The following KRT79 variants were observed in gnomAD, a reference collection of about 807,000 sequenced individuals.
KRT79 encodes the protein keratin 79.
A neutral mutation model predicts 49.0 loss-of-function variants in KRT79; 51 were observed. The ratio of observed to expected loss-of-function variants is 1.04; its 90% confidence interval spans 0.83 to 1.31. The LOEUF (loss-of-function observed/expected upper bound fraction) is 1.31. Among genes scored for constraint, KRT79 ranks in the 40% most tolerant of loss-of-function variants. KRT79 has a pLI of 0.00. For synonymous variants in KRT79, 312 were observed against 286.6 expected (o/e 1.09, Z -0.90); for missense variants, 728 against 688.0 (o/e 1.06, Z -0.65).
Position 52,834,015 on chromosome 12 carries a change from C to T in KRT79, c.246G>A (p.Gly82=). The T allele has an allele frequency of 6.2e-7, 1 of 1,612,694 alleles. No homozygotes were observed. The highest frequency in any genetic ancestry group is 8.5e-7 in the Non-Finnish European group (1 of 1,179,296). ...CAAAGCCAAAGCCCCCCAGAGCCCG[C>T]CCCAACAAGGCCCCTCCGGCCACAC... ...SVSVAGGALL[G]RALGGFGFGS... The change falls in exon 1 of 9, where the codon GGG becomes GGA. Residue 82 remains glycine (G), a synonymous_variant. Transcript: ENST00000330553.
At chr12:52,822,782 G>A (rs1940112481) in intron 7 of KRT79, among the ~76,000 whole-genome samples, 1 of 152,176 alleles carries the variant, frequency 6.6e-6, no homozygotes, top group South Asian at 2.1e-4. Context: ...GCTGGTGGAA[G>A]AGGAAGTTCC....
In KRT79 at chr12:52,823,012, C is replaced by T. The variant is rs1156726300; in HGVS notation, c.1367+4G>A. On this transcript the variant is annotated splice_donor_region_variant and intron_variant, in intron 7 of 8. Coordinates refer to ENST00000330553, the MANE Select transcript of KRT79 (RefSeq NM_175834.3). The stretch of plus-strand genomic sequence containing the variant: ...TTTCTGGGTCGGGCAGGAGGGGCCA[C>T]CACCTGCTCTCCTCGCTCTCCAGAA... The T allele has an allele frequency of 2.5e-6, 4 of 1,613,602 alleles. No homozygotes were observed. Among genetic ancestry groups the T allele is most frequent in the East Asian group, 2.2e-5 (1 of 44,876 alleles).
chr12:52,823,263 G>A (rs147287040), intron 6 of KRT79, 27 bp from the exon 7 acceptor site: 21,180 of 1,594,812 alleles, frequency 0.013, 194 homozygotes, highest in Non-Finnish European at 0.015. Flanking sequence ...GGTGTTGGAA[G>A]CACCCTCCGG....
chr12:52,831,367 C>T lies in KRT79; in HGVS notation c.698+39G>A, dbSNP rs745793363. The T allele has an allele frequency of 2.5e-6, 4 of 1,591,952 alleles. No homozygotes were observed. The South Asian group carries it at 3.3e-5, about 13-fold the overall frequency. On this transcript the variant is annotated intron_variant, in intron 2 of 8. Coordinates refer to ENST00000330553, the MANE Select transcript of KRT79 (RefSeq NM_175834.3). ...CTTGGCAGGTTTCCCACTGCCCCTC[C>T]TCACTCCCACATGGCCCCGCCTGGC...
intron 7 of KRT79, 32 bp downstream of exon 7, chr12:52,822,984 A>G (rs780230410): frequency 1.0e-5 from 16 of 1,601,352 alleles, no homozygotes; most frequent in Non-Finnish European, 1.4e-5. Context: ...GGCCCGACCC[A>G]GCTTTCTGGG....
chr12:52,832,221 C>T (rs1940265743), intron 1 of KRT79, among the ~76,000 whole-genome samples: 1 of 152,078 alleles, frequency 6.6e-6, no homozygotes. Flanking sequence ...TGAGCTATGA[C>T]TGTACCACTG....
Position 52,833,810 on chromosome 12 carries a change from T to C in KRT79, c.451A>G (p.Asn151Asp), listed in dbSNP as rs1264106778. 1 of 1,613,934 alleles carries C rather than the reference T, an allele frequency of 6.2e-7. No individual in the cohort carries two copies. Among genetic ancestry groups the C allele is most frequent in the East Asian group, 2.2e-5 (1 of 44,840 alleles). The stretch of plus-strand genomic sequence containing the variant: ...TTGTCGATGAAGGAGGCGAACTTGT[T>C]GTTGAGGGTCTTGATCTGCTCCCGC... ...QEREQIKTLN[N>D]KFASFIDKVR... is the part of the protein sequence containing the mutation. Residue 151 changes from asparagine (N) to aspartate (D), a missense_variant, in exon 1 of 9, where the codon AAC becomes GAC. Physicochemically the swap from Asn to Asp is conservative, Grantham distance 23. Coordinates refer to ENST00000330553, the MANE Select transcript of KRT79 (RefSeq NM_175834.3).
At chr12:52,831,755 T>C in intron 1 of KRT79, 129 bp from the exon 2 acceptor site, 1 of 704,772 alleles carries the variant, frequency 1.4e-6, no homozygotes, top group Non-Finnish European at 2.4e-6. Context: ...ACCTACACTT[T>C]GCTGTGGGGA....
At chr12:52,830,669 CT>C (rs63013460) in intron 2 of KRT79, among the ~76,000 whole-genome samples, 4,139 of 152,276 alleles carry the variant, frequency 0.027, 168 homozygotes, top group African/African-American at 0.092. Flanking sequence ...TCCCCAACCA[CT>C]TTTGATGAGA....
chr12:52,823,551 CT>C (rs1198297490), intron 6 of KRT79, among the ~76,000 whole-genome samples: 1 of 152,240 alleles, frequency 6.6e-6, no homozygotes, highest in East Asian at 1.9e-4. Context: ...AGAACCCACA[CT>C]TTTTAGCCGT....
chr12:52,830,557 A>T (rs531643513), intron 2 of KRT79: 9 of 473,866 alleles, frequency 1.9e-5, no homozygotes, highest in Admixed American at 3.6e-5. Context: ...TTTGGATCCA[A>T]GCCCTTAGGA....
chr12:52,823,085 A>G lies in KRT79; in HGVS notation c.1298T>C (p.Met433Thr), dbSNP rs145565892. ...CACGTCCAGGGCCAGCTTGACATTC[A>G]TCAGCTCCTGGTAGTCACGCAGCAG... The part of the protein sequence containing the change: ...TRLLRDYQEL[M>T]NVKLALDVEI... Residue 433 changes from methionine (M) to threonine (T), a missense_variant, in exon 7 of 9, where the codon ATG becomes ACG. By Grantham distance (81) the Met-to-Thr change is moderately conservative. Coordinates refer to ENST00000330553, the MANE Select transcript of KRT79 (RefSeq NM_175834.3). 1.4e-4 allele frequency: 222 copies of G among 1,614,052 alleles called. No individual in the cohort carries two copies. Among genetic ancestry groups the G allele is most frequent in the East Asian group, 2.9e-4 (13 of 44,858 alleles).
At chr12:52,831,849 C>T (rs1308212576) in intron 1 of KRT79, among the ~76,000 whole-genome samples, 1 of 152,192 alleles carries the variant, frequency 6.6e-6, no homozygotes, top group Non-Finnish European at 1.5e-5. Context: ...GCACAAAAGC[C>T]CAGCTCAGTA....
chr12:52,822,474 C>G, intron 7 of KRT79, 95 bp from the exon 8 acceptor site: 7 of 802,370 alleles, frequency 8.7e-6, no homozygotes, highest in Non-Finnish European at 1.4e-5. Flanking sequence ...TGGATCCACT[C>G]AGTGAATCCT....
rs907680107 is a variant in KRT79 at position 52,821,715 on chromosome 12, T to C, written c.*157A>G. ...ACCAAGGAGAAAACCTGAGTAGATT[T>C]GAGCGCTTCCCAAGATGCAAATAGT... On this transcript the variant is annotated 3_prime_UTR_variant, in exon 9 of 9. Coordinates refer to ENST00000330553, the MANE Select transcript of KRT79 (RefSeq NM_175834.3). 1 of 669,650 alleles carries C rather than the reference T, an allele frequency of 1.5e-6. No homozygotes were observed. Among genetic ancestry groups the C allele is most frequent in the Non-Finnish European group, 2.6e-6 (1 of 391,316 alleles). The allele number at this position is 669,650 out of a possible 1,614,324, so 41.5% of individuals were successfully genotyped here. A position where few individuals can be genotyped will look rare whatever the true frequency, so the allele number is the denominator to read the frequency against.
At chr12:52,822,416 A>C (rs763157852) in intron 7 of KRT79, 37 bp from the exon 8 acceptor site, 1 of 1,457,404 alleles carries the variant, frequency 6.9e-7, no homozygotes, top group East Asian at 2.3e-5. Flanking sequence ...GCAGTCAGTT[A>C]TCCCTGGTGC....
chr12:52,828,325 A>G (rs1386882128), intron 4 of KRT79, among the ~76,000 whole-genome samples: 3 of 152,210 alleles, frequency 2.0e-5, no homozygotes, highest in Non-Finnish European at 2.9e-5. Context: ...TTAACCACAA[A>G]TTATTGGTTA....
At chr12:52,825,290 A>G (rs989642377) in intron 4 of KRT79, among the ~76,000 whole-genome samples, 5 of 152,084 alleles carry the variant, frequency 3.3e-5, no homozygotes, top group African/African-American at 7.2e-5. Flanking sequence ...CTAAAACCCA[A>G]CACCTCCCAT....
rs771177506 is a variant in KRT79, at chr12:52,834,031, C to T, written c.230G>A (p.Gly77Glu). Reference sequence around the variant, plus strand: ...CAGAGCCCGCCCCAACAAGGCCCCTCCGGCCACACTGACAGAGATACTCTT... The same window carrying T: ...CAGAGCCCGCCCCAACAAGGCCCCTTCGGCCACACTGACAGAGATACTCTT... ...GHKSISVSVA[G>E]GALLGRALGG... Residue 77 changes from glycine (G) to glutamate (E), a missense_variant, in exon 1 of 9, where the codon GGA (glycine) becomes GAA (glutamate). Coordinates refer to ENST00000330553, the MANE Select transcript of KRT79 (RefSeq NM_175834.3). The T allele has an allele frequency of 7.1e-5, 114 of 1,613,372 alleles. No individual in the cohort carries two copies. Among genetic ancestry groups the T allele is most frequent in the Non-Finnish European group, 9.2e-5 (108 of 1,179,736 alleles).
Sources: allele counts gnomAD v4.1 joint callset (sites outside exome capture counted in the v4.1 genomes callset), GRCh38; gene constraint gnomAD v4.1.1; transcripts MANE v1.5; gene names NCBI Gene and HGNC (gene_info 2026-07-23, HGNC 2026-07-21).